NEGR1: variants seen among roughly 807,000 people sequenced by gnomAD.
The protein encoded by NEGR1 is neuronal growth regulator 1, also known as IgLON family member 4.
In NEGR1, 10 loss-of-function variants were observed where a neutral mutation model predicts 40.9. The ratio of observed to expected loss-of-function variants is 0.24; its 90% CI spans 0.15 to 0.42. The LOEUF is 0.42. Among genes scored for constraint, NEGR1 ranks in the 10% least tolerant of loss-of-function variants. NEGR1 has a pLI of 1.00. For synonymous variants in NEGR1, 185 were observed against 166.8 expected (o/e 1.11, Z -0.84); for missense variants, 352 against 438.9 (o/e 0.80, Z 1.77).
At chr1:72,232,399 A>G (rs1239448226) in intron 1 of NEGR1, among the ~76,000 whole-genome samples, 1 of 151,874 alleles carries the variant, frequency 6.6e-6, no homozygotes, top group Non-Finnish European at 1.5e-5. Flanking sequence ...GTTAATTTAC[A>G]ATCAAGCATA....
At chr1:71,844,045 A>G (rs1183953554) in intron 2 of NEGR1, among the ~76,000 whole-genome samples, 3 of 152,244 alleles carry the variant, frequency 2.0e-5, no homozygotes, top group South Asian at 4.1e-4. Flanking sequence ...ACCAATCCCA[A>G]TGATAAGTGT....
At chr1:71,761,259 T>G (rs997126100) in intron 3 of NEGR1, among the ~76,000 whole-genome samples, 1 of 152,152 alleles carries the variant, frequency 6.6e-6, no homozygotes, top group African/African-American at 2.4e-5. Flanking sequence ...AACTATTCAC[T>G]TCTACTGCTG....
At chr1:72,275,466 G>A (rs1223840490) in intron 1 of NEGR1, among the ~76,000 whole-genome samples, 1 of 151,764 alleles carries the variant, frequency 6.6e-6, no homozygotes, top group Non-Finnish European at 1.5e-5. Context: ...CAGGTAATAG[G>A]ATACTCCTAG....
chr1:71,779,271 A>G (rs945286555), intron 2 of NEGR1, among the ~76,000 whole-genome samples: 6 of 152,222 alleles, frequency 3.9e-5, no homozygotes, highest in African/African-American at 7.2e-5. Flanking sequence ...TTTACTGACT[A>G]TCATGAAGGG....
chr1:71,571,781 CT>C (rs1648817425), intron 6 of NEGR1, among the ~76,000 whole-genome samples: 1 of 98,388 alleles, frequency 1.0e-5, no homozygotes, highest in Non-Finnish European at 2.0e-5. Flanking sequence ...GAGGGAGCCC[CT>C]GTCTCAAAAA....
chr1:71,928,322 ACG>A (rs1491192966), intron 2 of NEGR1, among the ~76,000 whole-genome samples: 23 of 109,158 alleles, frequency 2.1e-4, no homozygotes, highest in African/African-American at 3.8e-4. Flanking sequence ...ATATGTATAT[ACG>A]TATATATGTA....
At chr1:71,631,747 A>G (rs1650975221) in intron 4 of NEGR1, among the ~76,000 whole-genome samples, 1 of 151,742 alleles carries the variant, frequency 6.6e-6, no homozygotes, top group Non-Finnish European at 1.5e-5. Flanking sequence ...ACATTTTTGG[A>G]CCCCAGATGG....
chr1:71,512,826 C>T (rs1047911148), intron 6 of NEGR1, among the ~76,000 whole-genome samples: 3 of 152,000 alleles, frequency 2.0e-5, no homozygotes, highest in East Asian at 1.9e-4. Flanking sequence ...GTGATCCACC[C>T]GCCTTGGCCT....
chr1:72,036,787 T>C (rs1313736530), intron 1 of NEGR1, among the ~76,000 whole-genome samples: 1 of 151,858 alleles, frequency 6.6e-6, no homozygotes, highest in Non-Finnish European at 1.5e-5. Context: ...ATGAATTACA[T>C]ATAGAAAAAA....
intron 3 of NEGR1, among the ~76,000 whole-genome samples, chr1:71,735,447 T>C (rs1168860637): frequency 6.6e-6 from 1 of 152,056 alleles, no homozygotes; most frequent in African/African-American, 2.4e-5. Context: ...TGATATTTAA[T>C]GAATGGTTGC....
At chr1:71,877,819 A>G (rs1660474974) in intron 2 of NEGR1, among the ~76,000 whole-genome samples, 1 of 152,172 alleles carries the variant, frequency 6.6e-6, no homozygotes, top group African/African-American at 2.4e-5. Flanking sequence ...CCATATCTCA[A>G]AAATGTGAAC....
At chr1:71,563,880 AATG>A (rs577026821) in intron 6 of NEGR1, among the ~76,000 whole-genome samples, 84 of 152,054 alleles carry the variant, frequency 5.5e-4, no homozygotes, top group African/African-American at 1.9e-3. Flanking sequence ...TTGACTTGAA[AATG>A]ATACACTGTT....
intron 2 of NEGR1, among the ~76,000 whole-genome samples, chr1:71,816,425 C>T (rs538594630): frequency 5.4e-4 from 82 of 152,122 alleles, no homozygotes; most frequent in Middle Eastern, 6.8e-3. Context: ...TGCCACATGG[C>T]TAGGGAGGCC....
chr1:71,720,290 C>T (rs995136340), intron 3 of NEGR1, among the ~76,000 whole-genome samples: 41 of 152,084 alleles, frequency 2.7e-4, no homozygotes, highest in African/African-American at 9.7e-4. Flanking sequence ...CTATCAATGC[C>T]ATTTTACACA....
At chr1:72,233,580 A>G (rs1021444149) in intron 1 of NEGR1, among the ~76,000 whole-genome samples, 20 of 152,252 alleles carry the variant, frequency 1.3e-4, no homozygotes, top group African/African-American at 4.8e-4. Context: ...TTCATTTAGG[A>G]TAATGGCCTC....
intron 2 of NEGR1, among the ~76,000 whole-genome samples, chr1:71,918,152 G>A (rs1482506217): frequency 7.1e-6 from 1 of 141,276 alleles, no homozygotes; most frequent in Non-Finnish European, 1.5e-5. Flanking sequence ...GGGAGGCAGA[G>A]GTTGCAGTGA....
chr1:72,192,723 G>T (rs2100431788), intron 1 of NEGR1, among the ~76,000 whole-genome samples: 1 of 151,826 alleles, frequency 6.6e-6, no homozygotes, highest in Non-Finnish European at 1.5e-5. Flanking sequence ...GATTAGAATG[G>T]TGGGCTTCTT....
chr1:71,946,420 A>G (rs1184181624), intron 1 of NEGR1, among the ~76,000 whole-genome samples: 1 of 152,240 alleles, frequency 6.6e-6, no homozygotes, highest in Non-Finnish European at 1.5e-5. Flanking sequence ...TTGCCAACCT[A>G]TAATTTCTTA....
chr1:71,649,777 C>A (rs1389847387), intron 4 of NEGR1, among the ~76,000 whole-genome samples: 1 of 152,074 alleles, frequency 6.6e-6, no homozygotes, highest in Non-Finnish European at 1.5e-5. Flanking sequence ...GTCTCGTCAG[C>A]CTGAAGGCTG....
Sources: allele counts gnomAD v4.1 joint callset (sites outside exome capture counted in the v4.1 genomes callset), GRCh38; gene constraint gnomAD v4.1.1; transcripts MANE v1.5; gene names NCBI Gene and HGNC (gene_info 2026-07-23, HGNC 2026-07-21).